GMDS: variants seen among roughly 807,000 people sequenced by gnomAD.
GMDS encodes GDP-mannose 4,6 dehydratase.
GMDS carries 20 observed loss-of-function variants against 49.9 expected under a neutral mutation model. That is an observed-to-expected ratio of 0.40 (90% CI 0.28 to 0.58). The LOEUF (loss-of-function observed/expected upper bound fraction) is 0.58. Among genes scored for constraint, GMDS ranks in the 20% least tolerant of loss-of-function variants. GMDS has a pLI of 0.42. For synonymous variants in GMDS, 177 were observed against 178.6 expected, an observed-to-expected ratio of 0.99 and a Z score of 0.07; for missense variants, 362 against 481.4, an observed-to-expected ratio of 0.75 and a Z score of 2.32.
rs1763902527 is a variant in GMDS, at chr6:1,960,897, C to G, written c.415G>C (p.Val139Leu). The change falls in exon 5 of 11, where the codon GTT becomes CTT. Residue 139 changes from valine to leucine, a missense_variant. Val to Leu is a conservative substitution (Grantham distance 32). Coordinates refer to ENST00000380815, the MANE Select transcript of GMDS (RefSeq NM_001500.4). ...GVGTLRLLDAVKTCGLINSVK... is the reference protein window; with the variant it reads ...GVGTLRLLDALKTCGLINSVK... Reference sequence around the variant, plus strand: ...GAGTTGATAAGGCCACAAGTCTTAACTGCATCTAGAAGTCGTAGAGTGCCA... The same window carrying G: ...GAGTTGATAAGGCCACAAGTCTTAAGTGCATCTAGAAGTCGTAGAGTGCCA... 1 of 1,610,214 alleles carries G rather than the reference C, an allele frequency of 6.2e-7. No individual in the cohort carries two copies. Among genetic ancestry groups the G allele is most frequent in the African/African-American group, 1.3e-5 (1 of 74,904 alleles).
intron 7 of GMDS, among the ~76,000 whole-genome samples, chr6:1,872,041 C>G (rs1758786731): frequency 6.6e-6 from 1 of 152,220 alleles, no homozygotes; most frequent in South Asian, 2.1e-4. Flanking sequence ...TTCCCTATTA[C>G]TGGACAATTA....
chr6:1,997,369 G>A (rs983517142), intron 4 of GMDS, among the ~76,000 whole-genome samples: 15 of 151,986 alleles, frequency 9.9e-5, no homozygotes, highest in East Asian at 7.8e-4. Context: ...TTAGCCAGGC[G>A]TGGTGGCACA....
chr6:1,665,937 C>G (rs1764221262), intron 9 of GMDS, among the ~76,000 whole-genome samples: 1 of 152,144 alleles, frequency 6.6e-6, no homozygotes, highest in South Asian at 2.1e-4. Context: ...AAGTTGAGTC[C>G]TATAATACAT....
chr6:1,743,707 G>T (rs1561774712), intron 7 of GMDS, among the ~76,000 whole-genome samples: 1 of 151,450 alleles, frequency 6.6e-6, no homozygotes. Flanking sequence ...TAGGCCTGGA[G>T]TTCCTGTATC....
At chr6:2,189,445 T>C (rs1004851105) in intron 1 of GMDS, among the ~76,000 whole-genome samples, 3 of 152,166 alleles carry the variant, frequency 2.0e-5, no homozygotes, top group Non-Finnish European at 4.4e-5. Context: ...ATAATGGTGA[T>C]TCCCAAATCC....
chr6:1,859,942 C>A (rs1021243880), intron 7 of GMDS, among the ~76,000 whole-genome samples: 5 of 152,124 alleles, frequency 3.3e-5, no homozygotes, highest in African/African-American at 9.7e-5. Context: ...ATTAGAAAAT[C>A]TTACTTTAAT....
At chr6:1,908,919 G>A (rs1266800673) in intron 7 of GMDS, among the ~76,000 whole-genome samples, 1 of 152,140 alleles carries the variant, frequency 6.6e-6, no homozygotes, top group Non-Finnish European at 1.5e-5. Context: ...TTAGCTGGAG[G>A]GGGGTTACAC....
chr6:1,928,487 T>C (rs959771179), intron 7 of GMDS, among the ~76,000 whole-genome samples: 1 of 152,200 alleles, frequency 6.6e-6, no homozygotes, highest in Non-Finnish European at 1.5e-5. Flanking sequence ...ATAACAAGCC[T>C]CATATTTTTC....
intron 1 of GMDS, among the ~76,000 whole-genome samples, chr6:2,178,031 A>C (rs1778361234): frequency 6.6e-6 from 1 of 152,222 alleles, no homozygotes. Context: ...AAACTAAAGC[A>C]GAAACAGAAA....
intron 7 of GMDS, among the ~76,000 whole-genome samples, chr6:1,744,583 T>TA (rs1395111184): frequency 2.0e-5 from 1 of 51,068 alleles, no homozygotes; most frequent in East Asian, 1.5e-3. Context: ...TGAACACTGT[T>TA]AAACACTGGG....
intron 4 of GMDS, among the ~76,000 whole-genome samples, chr6:2,012,230 A>T (rs1010594749): frequency 7.2e-5 from 11 of 152,142 alleles, no homozygotes; most frequent in Non-Finnish European, 1.6e-4. Context: ...ACGGATCCAA[A>T]CCGCACTCAC....
At chr6:1,825,716 A>G (rs1441164096) in intron 7 of GMDS, among the ~76,000 whole-genome samples, 1 of 152,232 alleles carries the variant, frequency 6.6e-6, no homozygotes, top group Non-Finnish European at 1.5e-5. Flanking sequence ...ATAGCATAAA[A>G]GATAGAAAAT....
chr6:1,748,707 T>C (rs905633795), intron 7 of GMDS, among the ~76,000 whole-genome samples: 2 of 152,246 alleles, frequency 1.3e-5, no homozygotes, highest in African/African-American at 4.8e-5. Flanking sequence ...TGGAATCAAA[T>C]GGGTATGACT....
At chr6:1,658,265 A>G (rs1763955490) in intron 9 of GMDS, among the ~76,000 whole-genome samples, 1 of 152,234 alleles carries the variant, frequency 6.6e-6, no homozygotes, top group Admixed American at 6.5e-5. Flanking sequence ...CACCCAGCAG[A>G]TGTTGCTTCT....
rs971291239 is a variant in GMDS at position 1,854,048 on chromosome 6, G to A, written c.771+76055C>T. Among the ~76,000 whole-genome samples, 4 of 152,148 alleles carry A rather than the reference G, an allele frequency of 2.6e-5. No individual in the cohort carries two copies. The East Asian group carries it at 7.7e-4, about 29-fold the overall frequency. On this transcript the variant is annotated intron_variant, in intron 7 of 10. Transcript: ENST00000380815. ...AAGCAGGGCAGCTAAGGTTGTGTCA[G>A]CATTTCCATTATAAAAACCTCTTTT... is the stretch of plus-strand genomic sequence containing the variant.
At chr6:1,925,993 G>A (rs1310742242) in intron 7 of GMDS, among the ~76,000 whole-genome samples, 4 of 152,136 alleles carry the variant, frequency 2.6e-5, no homozygotes, top group African/African-American at 4.8e-5. Flanking sequence ...GGCCACAGAC[G>A]GGTGGAACTA....
At chr6:1,875,962 G>C (rs965559744) in intron 7 of GMDS, among the ~76,000 whole-genome samples, 1 of 150,280 alleles carries the variant, frequency 6.7e-6, no homozygotes, top group Non-Finnish European at 1.5e-5. Context: ...AGGTTGCGGT[G>C]AGCCGAGATC....
At chr6:1,969,511 C>G (rs1302933746) in intron 4 of GMDS, among the ~76,000 whole-genome samples, 1 of 151,992 alleles carries the variant, frequency 6.6e-6, no homozygotes, top group Non-Finnish European at 1.5e-5. Flanking sequence ...TCAGCTGAAA[C>G]AAGAAGAAGA....
chr6:1,914,755 T>C (rs1283595484), intron 7 of GMDS, among the ~76,000 whole-genome samples: 1 of 152,196 alleles, frequency 6.6e-6, no homozygotes, highest in Non-Finnish European at 1.5e-5. Flanking sequence ...AATCCTCTCC[T>C]GTCGCGCCCA....
Sources: gnomAD v4.1 joint callset for allele counts (sites outside exome capture counted in the v4.1 genomes callset) on GRCh38, gnomAD v4.1.1 for gene constraint, MANE v1.5 for transcripts, NCBI Gene and HGNC (gene_info 2026-07-23, HGNC 2026-07-21) for gene names.